ARHGAP24: variants seen among roughly 807,000 people sequenced by gnomAD.
ARHGAP24 encodes the protein rho GTPase-activating protein 24.
In ARHGAP24, 50 loss-of-function variants were observed where a neutral mutation model predicts 76.4. That is an observed-to-expected ratio of 0.65 (90% CI 0.52 to 0.83). The LOEUF (loss-of-function observed/expected upper bound fraction) is 0.83, where lower values mean the gene tolerates loss of function less well. ARHGAP24 is among the 40% of genes least tolerant of loss of function. ARHGAP24 has a pLI of 0.00. For synonymous variants in ARHGAP24, 345 were observed against 323.3 expected (o/e 1.07, Z -0.72); for missense variants, 930 against 914.2 (o/e 1.02, Z -0.22).
intron 3 of ARHGAP24, among the ~76,000 whole-genome samples, chr4:85,848,963 GT>G (rs1403271545): frequency 6.6e-6 from 1 of 151,916 alleles, no homozygotes. Flanking sequence ...CTTTAAAGTA[GT>G]TTTTTCCAAT....
intron 7 of ARHGAP24, among the ~76,000 whole-genome samples, chr4:85,976,088 C>T (rs1428713352): frequency 1.3e-5 from 2 of 152,132 alleles, no homozygotes; most frequent in African/African-American, 4.8e-5. Context: ...TTACATTCTC[C>T]TTAAGTAAAA....
intron 2 of ARHGAP24, among the ~76,000 whole-genome samples, chr4:85,573,214 C>A (rs1272513525): frequency 6.6e-6 from 1 of 152,084 alleles, no homozygotes; most frequent in Non-Finnish European, 1.5e-5. Flanking sequence ...TTTTAACTAA[C>A]TTTCATACAA....
intron 4 of ARHGAP24, chr4:85,930,617 G>A: frequency 9.3e-7 from 1 of 1,073,588 alleles, no homozygotes. Context: ...AATGGGAATG[G>A]TAGCTTGCTT....
At chr4:85,799,997 G>A (rs890729036) in intron 3 of ARHGAP24, among the ~76,000 whole-genome samples, 6 of 152,150 alleles carry the variant, frequency 3.9e-5, no homozygotes, top group African/African-American at 1.4e-4. Flanking sequence ...GATTGGAGAA[G>A]ACTAAAGAGA....
At chr4:85,594,564 A>G (rs879743627) in intron 2 of ARHGAP24, among the ~76,000 whole-genome samples, 5 of 152,086 alleles carry the variant, frequency 3.3e-5, no homozygotes, top group African/African-American at 4.8e-5. Flanking sequence ...CCTATCTGCC[A>G]TCACAATATT....
chr4:85,714,262 A>C (rs1276322524), intron 2 of ARHGAP24, among the ~76,000 whole-genome samples: 5 of 152,174 alleles, frequency 3.3e-5, no homozygotes, highest in Admixed American at 3.3e-4. Context: ...AGAAAGTGTT[A>C]AACGTTTTAA....
intron 5 of ARHGAP24, among the ~76,000 whole-genome samples, chr4:85,945,607 A>C (rs1487838465): frequency 6.6e-6 from 1 of 151,850 alleles, no homozygotes; most frequent in Non-Finnish European, 1.5e-5. Flanking sequence ...TAAAAATACA[A>C]AAATTAGCCA....
intron 1 of ARHGAP24, among the ~76,000 whole-genome samples, chr4:85,530,482 T>C (rs376848037): frequency 1.2e-4 from 19 of 152,184 alleles, no homozygotes; most frequent in Middle Eastern, 6.8e-3. Flanking sequence ...CTCAGTGCTC[T>C]CTACTGTATG....
intron 2 of ARHGAP24, among the ~76,000 whole-genome samples, chr4:85,612,245 C>T (rs913596149): frequency 4.6e-5 from 7 of 151,942 alleles, no homozygotes; most frequent in African/African-American, 9.7e-5. Context: ...GGTGAAACCC[C>T]GTCTCTACTA....
intron 3 of ARHGAP24, among the ~76,000 whole-genome samples, chr4:85,856,359 T>A (rs1215942957): frequency 2.6e-5 from 4 of 152,112 alleles, no homozygotes; most frequent in Non-Finnish European, 4.4e-5. Flanking sequence ...CTAAGAACAT[T>A]TGATATTTTA....
intron 6 of ARHGAP24, among the ~76,000 whole-genome samples, chr4:85,974,588 A>G (rs1473479130): frequency 6.6e-6 from 1 of 152,232 alleles, no homozygotes; most frequent in African/African-American, 2.4e-5. Context: ...AAATAATTTT[A>G]TTAATAAATG....
At chr4:85,567,464 T>G (rs1013295779) in intron 1 of ARHGAP24, among the ~76,000 whole-genome samples, 1 of 152,236 alleles carries the variant, frequency 6.6e-6, no homozygotes, top group African/African-American at 2.4e-5. Context: ...ATCAGTTTTC[T>G]GTATATTTTT....
Position 85,974,891 on chromosome 4 carries a change from G to A in ARHGAP24, c.736G>A (p.Val246Ile). 1 of 1,613,570 alleles carries A rather than the reference G, an allele frequency of 6.2e-7. No homozygotes were observed. The highest frequency in any genetic ancestry group is 1.1e-5 in the South Asian group (1 of 91,064). Residue 246 changes from valine (V) to isoleucine (I), a missense_variant, in exon 7 of 10, where the codon GTT becomes ATT. Transcript: ENST00000395184. ...TTATTTTCTTCTTTGTACTCAGGGTGTTAAGGAATTAGCAAAGCAGGTGAA... is the reference window on the plus strand; with the variant it reads ...TTATTTTCTTCTTTGTACTCAGGGTATTAAGGAATTAGCAAAGCAGGTGAA... ...KLLSKEEEAG[V>I]KELAKQVKSL...
At chr4:85,830,550 G>T in intron 3 of ARHGAP24, among the ~76,000 whole-genome samples, 1 of 152,136 alleles carries the variant, frequency 6.6e-6, no homozygotes, top group Non-Finnish European at 1.5e-5. Context: ...TATGGGATTG[G>T]CTTACAGCAC....
At position 85,930,944 on chromosome 4, in the gene ARHGAP24, G is replaced by A. The variant is rs61758879; in HGVS notation, c.391+7174G>A. On this transcript the variant is annotated intron_variant, in intron 4 of 9. Transcript: ENST00000395184. ...CAGGCCTGTACGATGCCTGAAGACC[G>A]GAATTCTGGGGGGTGCCCGGCTGGT... 1.1e-5 allele frequency: 17 copies of A among 1,613,768 alleles called. 1 individual carries two copies. Among genetic ancestry groups the A allele is most frequent in the African/African-American group, 2.7e-5 (2 of 74,884 alleles).
chr4:85,561,962 C>A (rs976234644), intron 1 of ARHGAP24, among the ~76,000 whole-genome samples: 12 of 151,970 alleles, frequency 7.9e-5, no homozygotes, highest in African/African-American at 2.9e-4. Context: ...TAAGGGAGGC[C>A]GAGGCGGGCA....
intron 3 of ARHGAP24, among the ~76,000 whole-genome samples, chr4:85,726,043 C>A (rs343858): frequency 0.96 from 146,009 of 152,208 alleles, 70,341 homozygotes; most frequent in East Asian, 1. Flanking sequence ...CCCTCAAAAA[C>A]CAGTGCTGAT....
chr4:85,506,770 C>T (rs1431625402), intron 1 of ARHGAP24, among the ~76,000 whole-genome samples: 3 of 152,114 alleles, frequency 2.0e-5, no homozygotes, highest in South Asian at 2.1e-4. Context: ...CAACCAGCCC[C>T]AGTGAGATGA....
chr4:85,622,783 G>A (rs1233343255), intron 2 of ARHGAP24, among the ~76,000 whole-genome samples: 2 of 152,030 alleles, frequency 1.3e-5, no homozygotes, highest in African/African-American at 2.4e-5. Context: ...TTTAATGATC[G>A]CCATTCTAAC....
Sources: gnomAD v4.1 joint callset for allele counts (sites outside exome capture counted in the v4.1 genomes callset) on GRCh38, gnomAD v4.1.1 for gene constraint, MANE v1.5 for transcripts, NCBI Gene and HGNC (gene_info 2026-07-23, HGNC 2026-07-21) for gene names.